CYB5R4: variants seen among roughly 807,000 people sequenced by gnomAD.
CYB5R4 encodes N-terminal cytochrome b5 and cytochrome b5 oxidoreductase domain-containing protein.
Under a neutral mutation model 70.2 loss-of-function variants are expected in CYB5R4, and 55 were observed. That is an observed-to-expected ratio of 0.78 (90% CI 0.63 to 0.98). CYB5R4 has a LOEUF of 0.98. CYB5R4 is among the 50% of genes least tolerant of loss of function. The probability of loss-of-function intolerance (pLI) is 0.00; values close to 1 mark genes in which losing one functional copy is unlikely to be tolerated. For missense variants in CYB5R4, 562 were observed against 612.6 expected (o/e 0.92, Z 0.87); for synonymous variants, 197 against 199.5 (o/e 0.99, Z 0.11).
rs776384344 is a variant in CYB5R4 at position 83,965,820 on chromosome 6, T to C, written c.*5942T>C. On this transcript the variant is annotated 3_prime_UTR_variant, in exon 16 of 16. Coordinates refer to ENST00000369681, the MANE Select transcript of CYB5R4 (RefSeq NM_016230.4). ...GAGATAATTTGAATCATGGGGGTGGTTTCCCCCATACTGTTCTCATGGTAG... is the reference window on the plus strand; with the variant it reads ...GAGATAATTTGAATCATGGGGGTGGCTTCCCCCATACTGTTCTCATGGTAG... The C allele has an allele frequency of 6.6e-6, 1 of 152,072 alleles. No homozygotes were observed. Among genetic ancestry groups the C allele is most frequent in the Non-Finnish European group, 1.5e-5 (1 of 68,018 alleles). 9.4% of individuals were successfully genotyped at this position (152,072 alleles called of 1,614,324 possible).
chr6:83,907,370 A>G (rs1329680868), intron 3 of CYB5R4, among the ~76,000 whole-genome samples: 5 of 152,238 alleles, frequency 3.3e-5, no homozygotes, highest in Admixed American at 1.3e-4. Context: ...TTGAAGCAGT[A>G]GAATCACTTT....
At chr6:83,926,349 TTTTC>T (rs929223750) in intron 10 of CYB5R4, 20 of 151,140 alleles carry the variant, frequency 1.3e-4, no homozygotes, top group African/African-American at 4.4e-4. Flanking sequence ...TCACTTAATT[TTTTC>T]TTTCTTTTTT....
intron 12 of CYB5R4, among the ~76,000 whole-genome samples, chr6:83,938,672 C>A (rs1175501821): frequency 6.6e-6 from 1 of 152,140 alleles, no homozygotes; most frequent in African/African-American, 2.4e-5. Flanking sequence ...CTATGTGAGT[C>A]TAATCAATTT....
intron 10 of CYB5R4, among the ~76,000 whole-genome samples, chr6:83,932,856 A>G (rs1468570467): frequency 6.6e-6 from 1 of 152,186 alleles, no homozygotes; most frequent in African/African-American, 2.4e-5. Flanking sequence ...GGGGACAGGC[A>G]GTAAGAGTGC....
intron 5 of CYB5R4, 102 bp downstream of exon 5, chr6:83,914,550 C>A: frequency 1.8e-6 from 2 of 1,084,584 alleles, no homozygotes; most frequent in Middle Eastern, 3.4e-4. Flanking sequence ...TCTTTTTTTT[C>A]TTTTTGAGAT....
rs143257372 is a variant in CYB5R4 at position 83,962,082 on chromosome 6, T to G, written c.*2204T>G. 3.7e-4 allele frequency: 57 copies of G among 152,254 alleles called. No individual in the cohort carries two copies. Among genetic ancestry groups the G allele is most frequent in the African/African-American group, 1.3e-3 (52 of 41,550 alleles). 9.4% of individuals were successfully genotyped at this position (152,254 alleles called of 1,614,324 possible). On this transcript the variant is annotated 3_prime_UTR_variant, in exon 16 of 16. Transcript: ENST00000369681. ...GCTGAGCTTCAGTTTTCAATATCCA[T>G]TTACTTCCTGCATACCACCCCACCA...
At chr6:83,946,057 T>G (rs1438942633) in intron 14 of CYB5R4, among the ~76,000 whole-genome samples, 2 of 152,156 alleles carry the variant, frequency 1.3e-5, no homozygotes, top group Non-Finnish European at 2.9e-5. Context: ...GAGGGAATCC[T>G]CCCTAACTCA....
At chr6:83,906,974 A>T (rs1440331779) in intron 3 of CYB5R4, among the ~76,000 whole-genome samples, 1 of 152,164 alleles carries the variant, frequency 6.6e-6, no homozygotes, top group Non-Finnish European at 1.5e-5. Context: ...TATTTTGCTA[A>T]TTTAAGTAGT....
chr6:83,886,649 G>A (rs547587594), intron 2 of CYB5R4, among the ~76,000 whole-genome samples: 19 of 152,290 alleles, frequency 1.2e-4, no homozygotes, highest in African/African-American at 4.3e-4. Context: ...TGCCATGTAA[G>A]GATGTTTCTG....
At chr6:83,935,063 G>A (rs1031944453) in intron 11 of CYB5R4, among the ~76,000 whole-genome samples, 9 of 152,114 alleles carry the variant, frequency 5.9e-5, no homozygotes, top group Admixed American at 2.0e-4. Context: ...ACTACTAGAA[G>A]CTCATACTGG....
chr6:83,882,511 A>G (rs2099459609), intron 2 of CYB5R4, among the ~76,000 whole-genome samples: 1 of 152,190 alleles, frequency 6.6e-6, no homozygotes, highest in Non-Finnish European at 1.5e-5. Flanking sequence ...TTGCAGGAAT[A>G]TTACAGAATC....
At chr6:83,955,231 A>G in intron 14 of CYB5R4, 67 bp from the exon 15 acceptor site, 1 of 1,276,376 alleles carries the variant, frequency 7.8e-7, no homozygotes, top group East Asian at 2.5e-5. Context: ...TATATTCTTG[A>G]ACTTGAAACA....
intron 10 of CYB5R4, among the ~76,000 whole-genome samples, chr6:83,934,342 A>G (rs2099468605): frequency 6.6e-6 from 1 of 152,150 alleles, no homozygotes; most frequent in South Asian, 2.1e-4. Context: ...AATAACAGAT[A>G]TGAGGAAATA....
At chr6:83,867,189 G>C (rs1339107496) in intron 2 of CYB5R4, among the ~76,000 whole-genome samples, 2 of 152,124 alleles carry the variant, frequency 1.3e-5, no homozygotes. Context: ...AGGAAAATCA[G>C]GGATGCTTTT....
rs1458450870 is a variant in CYB5R4, at chr6:83,963,590, T to G, written c.*3712T>G. 2 of 152,262 alleles carry G rather than the reference T, an allele frequency of 1.3e-5. No individual in the cohort carries two copies. Among genetic ancestry groups the G allele is most frequent in the Admixed American group, 1.3e-4 (2 of 15,280 alleles). 9.4% of individuals were successfully genotyped at this position (152,262 alleles called of 1,614,324 possible). ...TTTTGAAGTCATTTTCACCCAGCAT[T>G]GCAAGTTTAGCAGACCTCAAAACAG... On this transcript the variant is annotated 3_prime_UTR_variant, in exon 16 of 16. Coordinates refer to ENST00000369681, the MANE Select transcript of CYB5R4 (RefSeq NM_016230.4).
chr6:83,951,383 CCATCAA>C (rs1381125487), intron 14 of CYB5R4, among the ~76,000 whole-genome samples: 1 of 152,086 alleles, frequency 6.6e-6, no homozygotes, highest in Non-Finnish European at 1.5e-5. Flanking sequence ...TTTGCAGCAC[CCATCAA>C]CCCATTATCT....
In CYB5R4 at chr6:83,893,522, G is replaced by A. The variant is rs1349141729; in HGVS notation, c.230G>A (p.Gly77Asp). ...ATTATTTCTGTTTGCTTTGGTACAG[G>A]TTTCGTTTATAATGTCAGCCCTTAT... is the stretch of plus-strand genomic sequence containing the variant. The part of the protein sequence containing the change: ...KKDDCWICIR[G>D]FVYNVSPYME... The change falls in exon 3 of 16, where the codon GGT becomes GAT. Residue 77 changes from glycine to aspartate, a missense_variant and splice_region_variant. Physicochemically the swap from Gly to Asp is moderately conservative, Grantham distance 94. Transcript: ENST00000369681. 3.8e-6 allele frequency: 6 copies of A among 1,588,126 alleles called. No homozygotes were observed. Among genetic ancestry groups the A allele is most frequent in the South Asian group, 1.1e-5 (1 of 88,984 alleles).
rs1040109563 is a variant in CYB5R4, at chr6:83,963,809, A to C, written c.*3931A>C. 1 of 152,652 alleles carries C rather than the reference A, an allele frequency of 6.6e-6. No homozygotes were observed. The highest frequency in any genetic ancestry group is 1.5e-5 in the Non-Finnish European group (1 of 68,436). 9.5% of individuals were successfully genotyped at this position (152,652 alleles called of 1,614,324 possible). On this transcript the variant is annotated 3_prime_UTR_variant, in exon 16 of 16. Transcript: ENST00000369681. ...TGTCACCACCCAAATCTCATCTTGAATTGTACTCTCATAATTCCCATGTGT... is the reference window on the plus strand; with the variant it reads ...TGTCACCACCCAAATCTCATCTTGACTTGTACTCTCATAATTCCCATGTGT...
chr6:83,932,305 T>C (rs1347791720), intron 10 of CYB5R4, among the ~76,000 whole-genome samples: 1 of 152,194 alleles, frequency 6.6e-6, no homozygotes, highest in Non-Finnish European at 1.5e-5. Context: ...GTGTCAACTC[T>C]CTAACAAGGA....
Sources: allele counts gnomAD v4.1 joint callset (sites outside exome capture counted in the v4.1 genomes callset), GRCh38; gene constraint gnomAD v4.1.1; transcripts MANE v1.5; gene names NCBI Gene and HGNC (gene_info 2026-07-23, HGNC 2026-07-21).